CEP170: variants seen among roughly 807,000 people sequenced by gnomAD.
CEP170 encodes centrosomal protein of 170 kDa.
In CEP170, 21 loss-of-function variants were observed where a neutral mutation model predicts 151.9. That is an observed-to-expected ratio of 0.14 (90% confidence interval 0.10 to 0.20). CEP170 has a LOEUF of 0.20. Ranked by LOEUF, CEP170 falls within the 10% of genes least tolerant of loss-of-function variation. The pLI is 1.00. For synonymous variants in CEP170, 356 were observed against 648.8 expected, an observed-to-expected ratio of 0.55 and a Z score of 6.86; for missense variants, 964 against 1,892.9, an observed-to-expected ratio of 0.51 and a Z score of 9.11.
At chr1:243,243,495 C>CTGAT (rs1358485127) in intron 1 of CEP170, among the ~76,000 whole-genome samples, 4 of 137,802 alleles carry the variant, frequency 2.9e-5, no homozygotes, top group African/African-American at 6.0e-5. Flanking sequence ...ACTTACCATT[C>CTGAT]TGATTTATTT....
intron 7 of CEP170, among the ~76,000 whole-genome samples, chr1:243,196,506 G>T (rs868246260): frequency 6.6e-6 from 1 of 152,192 alleles, no homozygotes; most frequent in African/African-American, 2.4e-5. Context: ...TGTGCCTTCT[G>T]TACAAAAATT....
intron 1 of CEP170, among the ~76,000 whole-genome samples, chr1:243,252,382 G>A (rs1051222062): frequency 3.9e-5 from 6 of 152,060 alleles, no homozygotes; most frequent in African/African-American, 1.4e-4. Flanking sequence ...ATACAATTTT[G>A]TGGAATAAAA....
chr1:243,251,642 T>A (rs1284348714), intron 1 of CEP170, among the ~76,000 whole-genome samples: 1 of 152,180 alleles, frequency 6.6e-6, no homozygotes, highest in Non-Finnish European at 1.5e-5. Flanking sequence ...AGGGTAATAT[T>A]TTCTATATCA....
chr1:243,175,410 C>G (rs1307139749), intron 10 of CEP170, among the ~76,000 whole-genome samples: 1 of 152,164 alleles, frequency 6.6e-6, no homozygotes, highest in Admixed American at 6.5e-5. Context: ...GTTTTGATAG[C>G]GTTTTGAAAA....
At chr1:243,207,157 ACAACTATATG>A (rs1208801972) in intron 4 of CEP170, among the ~76,000 whole-genome samples, 1 of 152,198 alleles carries the variant, frequency 6.6e-6, no homozygotes, top group Non-Finnish European at 1.5e-5. Flanking sequence ...AAAAGTAAGA[ACAACTATATG>A]CTGCCTACTT....
chr1:243,244,361 A>T lies in CEP170; in HGVS notation c.-42+10679T>A, dbSNP rs953125253. Among the ~76,000 whole-genome samples, 31 of 148,434 alleles carry T rather than the reference A, an allele frequency of 2.1e-4. No homozygotes were observed. The East Asian group carries it at 5.3e-3, about 26-fold the overall frequency. ...CAAAATAGAGAGCTCCTTGTATCAC[A>T]CACACACACACACACACACCCTCAA... On this transcript the variant is annotated intron_variant, in intron 1 of 19. Transcript: ENST00000366542.
chr1:243,221,586 C>CTA, intron 3 of CEP170, 138 bp downstream of exon 3: 1 of 801,702 alleles, frequency 1.2e-6, no homozygotes, highest in Middle Eastern at 2.6e-4. Context: ...CCCCAAAGTG[C>CTA]TATGTACCTG....
At chr1:243,234,651 A>G (rs1397427004) in intron 1 of CEP170, among the ~76,000 whole-genome samples, 1 of 152,214 alleles carries the variant, frequency 6.6e-6, no homozygotes, top group African/African-American at 2.4e-5. Context: ...CAGGAATCCT[A>G]TTTTACATTT....
At position 243,165,121 on chromosome 1, in the gene CEP170, C is replaced by G. The variant is rs1026057703; in HGVS notation, c.2839G>C (p.Glu947Gln). ...TASTISLVTGETERKSTQKRK... is the reference protein window; with the variant it reads ...TASTISLVTGQTERKSTQKRK... ...TTTTGGGTTGACTTTCTTTCAGTTT[C>G]TCCAGTAACCAGACTGATTGTACTA... Residue 947 changes from glutamate (E) to glutamine (Q), a missense_variant, in exon 13 of 20, where the codon GAA (glutamate) becomes CAA (glutamine). Physicochemically the swap from Glu to Gln is conservative, Grantham distance 29. Coordinates refer to ENST00000366542, the MANE Select transcript of CEP170 (RefSeq NM_014812.3). The G allele has an allele frequency of 6.2e-7, 1 of 1,612,922 alleles. No individual in the cohort carries two copies. Among genetic ancestry groups the G allele is most frequent in the Non-Finnish European group, 8.5e-7 (1 of 1,179,496 alleles).
intron 17 of CEP170, among the ~76,000 whole-genome samples, 193 bp from the exon 18 acceptor site, chr1:243,129,646 C>T (rs1196537506): frequency 2.0e-5 from 3 of 152,016 alleles, no homozygotes; most frequent in African/African-American, 7.2e-5. Flanking sequence ...CAATTGAATG[C>T]TTATTAATAC....
chr1:243,217,498 G>C (rs1023419740), intron 3 of CEP170, among the ~76,000 whole-genome samples: 5 of 152,126 alleles, frequency 3.3e-5, no homozygotes, highest in Non-Finnish European at 7.3e-5. Flanking sequence ...ATGTGTACTA[G>C]GCACTTTCAG....
chr1:243,225,136 G>C, intron 2 of CEP170, 40 bp downstream of exon 2: 2 of 1,263,952 alleles, frequency 1.6e-6, no homozygotes, highest in Non-Finnish European at 2.2e-6. Flanking sequence ...CTAATTTCAA[G>C]TTTTGAATAA....
intron 7 of CEP170, among the ~76,000 whole-genome samples, chr1:243,197,669 T>G (rs1215409807): frequency 6.6e-6 from 1 of 151,928 alleles, no homozygotes; most frequent in Non-Finnish European, 1.5e-5. Flanking sequence ...CTGCAACCAC[T>G]ATGAAGAGCA....
intron 14 of CEP170, among the ~76,000 whole-genome samples, chr1:243,148,008 C>T (rs926485019): frequency 1.3e-5 from 2 of 151,972 alleles, no homozygotes; most frequent in African/African-American, 4.8e-5. Flanking sequence ...TGGTGAAACC[C>T]TGTCTCTACT....
chr1:243,241,431 T>A (rs184616271), intron 1 of CEP170, among the ~76,000 whole-genome samples: 1 of 152,312 alleles, frequency 6.6e-6, no homozygotes, highest in East Asian at 1.9e-4. Flanking sequence ...TCTATAAAGG[T>A]ATTTTAAAAT....
chr1:243,148,466 C>A (rs1419162106), intron 14 of CEP170, among the ~76,000 whole-genome samples: 1 of 152,078 alleles, frequency 6.6e-6, no homozygotes, highest in Non-Finnish European at 1.5e-5. Flanking sequence ...CCCAGCTACT[C>A]AGGACGCTGA....
intron 3 of CEP170, among the ~76,000 whole-genome samples, chr1:243,216,389 GT>G (rs2062297820): frequency 7.3e-6 from 1 of 136,436 alleles, no homozygotes; most frequent in Non-Finnish European, 1.5e-5. Context: ...AGAGTGTGAT[GT>G]TCCCCTTCCT....
intron 15 of CEP170, among the ~76,000 whole-genome samples, chr1:243,141,449 T>A (rs1157450922): frequency 2.0e-5 from 3 of 152,148 alleles, no homozygotes; most frequent in Admixed American, 6.5e-5. Context: ...GAATTAGTAT[T>A]CTTTAGATGT....
rs369195912 is a variant in CEP170, at chr1:243,136,703, C to T, written c.4231-472G>A. ...GGAAAGATACATTTTGAAAAATTTA[C>T]GCAAAATAGTAAGTTTTTATACTGG... On this transcript the variant is annotated intron_variant, in intron 16 of 19. Transcript: ENST00000366542. Among the ~76,000 whole-genome samples the T allele has an allele frequency of 2.5e-4, 38 of 152,312 alleles. No homozygotes were observed. The South Asian group carries it at 6.2e-3, about 25-fold the overall frequency.
Sources: allele counts gnomAD v4.1 joint callset (sites outside exome capture counted in the v4.1 genomes callset), GRCh38; gene constraint gnomAD v4.1.1; transcripts MANE v1.5; gene names NCBI Gene and HGNC (gene_info 2026-07-23, HGNC 2026-07-21).